Variants in SPTLC2 observed in about 807,000 individuals in gnomAD.
SPTLC2 encodes the protein serine palmitoyltransferase long chain base subunit 2, also known as serine palmitoyltransferase 2.
In SPTLC2, 21 loss-of-function variants were observed where a neutral mutation model predicts 62.0. That is an observed-to-expected ratio of 0.34 (90% CI 0.24 to 0.49). The LOEUF is 0.49. SPTLC2 is among the 20% of genes least tolerant of loss of function. The pLI, the probability that SPTLC2 is intolerant of heterozygous loss-of-function variation, is 0.99. For synonymous variants in SPTLC2, 261 were observed against 261.8 expected (o/e 1.00, Z 0.03); for missense variants, 511 against 713.0 (o/e 0.72, Z 3.23).
In SPTLC2 at chr14:77,511,748, A is replaced by C. The variant is rs45612439; in HGVS notation, c.*536T>G. 29 of 172,002 alleles carry C rather than the reference A, an allele frequency of 1.7e-4. No individual in the cohort carries two copies. Among genetic ancestry groups the C allele is most frequent in the Non-Finnish European group, 3.3e-4 (26 of 78,674 alleles). 10.7% of individuals were successfully genotyped at this position (172,002 alleles called of 1,614,324 possible). On this transcript the variant is annotated 3_prime_UTR_variant, in exon 12 of 12. Coordinates refer to ENST00000216484, the MANE Select transcript of SPTLC2 (RefSeq NM_004863.4). ...CTGTTTTTCTTAAAAGGCTAAACTTAAGATTAAAGGGTGAAAACTTCCGTT... is the reference window on the plus strand; with the variant it reads ...CTGTTTTTCTTAAAAGGCTAAACTTCAGATTAAAGGGTGAAAACTTCCGTT...
intron 2 of SPTLC2, among the ~76,000 whole-genome samples, chr14:77,580,834 T>C (rs896084457): frequency 1.3e-5 from 2 of 152,200 alleles, no homozygotes; most frequent in African/African-American, 4.8e-5. Flanking sequence ...CTGGGCAACA[T>C]AGTGGGACTC....
intron 8 of SPTLC2, among the ~76,000 whole-genome samples, chr14:77,552,558 C>A (rs965513822): frequency 6.6e-6 from 1 of 152,032 alleles, no homozygotes; most frequent in Non-Finnish European, 1.5e-5. Context: ...GTAATCCCAG[C>A]AGTTTGGGAG....
At chr14:77,594,829 G>A (rs10140195) in intron 2 of SPTLC2, among the ~76,000 whole-genome samples, 34,605 of 149,556 alleles carry the variant, frequency 0.23, 4,237 homozygotes, top group East Asian at 0.33. Flanking sequence ...TCTACACTAG[G>A]AGAGGTCCCT....
At chr14:77,548,517 G>C (rs1263897105) in intron 9 of SPTLC2, among the ~76,000 whole-genome samples, 1 of 152,212 alleles carries the variant, frequency 6.6e-6, no homozygotes, top group Non-Finnish European at 1.5e-5. Flanking sequence ...TTAGTGATGT[G>C]TAAAGTAAAA....
intron 1 of SPTLC2, among the ~76,000 whole-genome samples, chr14:77,603,796 A>G (rs140843629): frequency 1.1e-3 from 168 of 152,336 alleles, no homozygotes; most frequent in African/African-American, 3.9e-3. Context: ...CACACTGGGC[A>G]CTGATGTCTG....
chr14:77,616,618 C>A lies in SPTLC2; in HGVS notation c.-39G>T. ...CCAGGCGCAAGGCAGGCTCTGTAGG[C>A]GGTGGCAGCGGCGGCGGCTGCTCCA... On this transcript the variant is annotated 5_prime_UTR_variant, in exon 1 of 12. Coordinates refer to ENST00000216484, the MANE Select transcript of SPTLC2 (RefSeq NM_004863.4). 6.6e-7 allele frequency: 1 copy of A among 1,526,470 alleles called. No homozygotes were observed. Among genetic ancestry groups the A allele is most frequent in the Non-Finnish European group, 8.8e-7 (1 of 1,139,650 alleles). 94.6% of individuals were successfully genotyped at this position (1,526,470 alleles called of 1,614,324 possible). A position where few individuals can be genotyped will look rare whatever the true frequency, so the allele number is the denominator to read the frequency against.
chr14:77,602,136 A>G lies in SPTLC2; in HGVS notation c.133-4756T>C, dbSNP rs550435851. ...TTGCCTATCTATAGCCTCTCTAGTG[A>G]ATTCTCATCTACTTAGGAGTTCTCA... is the stretch of plus-strand genomic sequence containing the variant. On this transcript the variant is annotated intron_variant, in intron 1 of 11. Coordinates refer to ENST00000216484, the MANE Select transcript of SPTLC2 (RefSeq NM_004863.4). Among the ~76,000 whole-genome samples, 3 of 152,164 alleles carry G rather than the reference A, an allele frequency of 2.0e-5. No homozygotes were observed. The East Asian group carries it at 5.8e-4, about 29-fold the overall frequency.
At chr14:77,604,009 C>A (rs1259521810) in intron 1 of SPTLC2, among the ~76,000 whole-genome samples, 1 of 152,240 alleles carries the variant, frequency 6.6e-6, no homozygotes, top group African/African-American at 2.4e-5. Flanking sequence ...ACTCTGCCCC[C>A]ACCACGTGCT....
At chr14:77,552,441 A>T (rs567581602) in intron 8 of SPTLC2, among the ~76,000 whole-genome samples, 2 of 152,316 alleles carry the variant, frequency 1.3e-5, no homozygotes, top group East Asian at 3.9e-4. Flanking sequence ...TTGTTTTTTA[A>T]ACATGGAACA....
chr14:77,512,981 T>C (rs7155181), intron 11 of SPTLC2, among the ~76,000 whole-genome samples: 127,735 of 148,886 alleles, frequency 0.86, 55,793 homozygotes, highest in East Asian at 1. Flanking sequence ...TCCCAAAGTG[T>C]TGGGATTATA....
At chr14:77,562,902 T>C (rs1295468276) in intron 5 of SPTLC2, among the ~76,000 whole-genome samples, 2 of 152,178 alleles carry the variant, frequency 1.3e-5, no homozygotes, top group Non-Finnish European at 2.9e-5. Context: ...GTGGAAATGG[T>C]GCATTCTCTC....
chr14:77,513,955 C>T (rs2079346599), intron 11 of SPTLC2, among the ~76,000 whole-genome samples: 1 of 150,204 alleles, frequency 6.7e-6, no homozygotes, highest in Non-Finnish European at 1.5e-5. Flanking sequence ...AATCACAGCA[C>T]TTTGGGAGGC....
intron 9 of SPTLC2, among the ~76,000 whole-genome samples, chr14:77,541,666 G>A (rs150043354): frequency 6.6e-6 from 1 of 152,276 alleles, no homozygotes; most frequent in African/African-American, 2.4e-5. Context: ...GGGGGGAGAA[G>A]GCAGCAGATA....
chr14:77,579,155 A>C (rs747999254), intron 2 of SPTLC2, 46 bp from the exon 3 acceptor site: 1 of 1,601,302 alleles, frequency 6.2e-7, no homozygotes. Context: ...GAGTTACTTT[A>C]TTAAAAAATT....
intron 9 of SPTLC2, among the ~76,000 whole-genome samples, chr14:77,529,616 C>CTT (rs2079426848): frequency 2.4e-5 from 2 of 83,462 alleles, no homozygotes; most frequent in Non-Finnish European, 5.1e-5. Flanking sequence ...CAATTTCTTT[C>CTT]TTTCTTTTTT....
chr14:77,616,049 G>T (rs2079964855), intron 1 of SPTLC2, among the ~76,000 whole-genome samples: 1 of 152,194 alleles, frequency 6.6e-6, no homozygotes, highest in Non-Finnish European at 1.5e-5. Context: ...ACGACTGCAG[G>T]ACTTTAAAAG....
intron 9 of SPTLC2, among the ~76,000 whole-genome samples, chr14:77,530,590 G>T (rs2079433360): frequency 6.6e-6 from 1 of 152,100 alleles, no homozygotes; most frequent in African/African-American, 2.4e-5. Flanking sequence ...TAAACCACAA[G>T]ATCTTTCAAT....
chr14:77,551,899 T>C (rs2079557506), intron 9 of SPTLC2, among the ~76,000 whole-genome samples, 197 bp downstream of exon 9: 1 of 152,018 alleles, frequency 6.6e-6, no homozygotes, highest in Non-Finnish European at 1.5e-5. Context: ...ACAAGAAAAT[T>C]CCATAGAAAG....
chr14:77,566,199 C>T (rs752254046), intron 5 of SPTLC2, among the ~76,000 whole-genome samples: 47 of 152,026 alleles, frequency 3.1e-4, no homozygotes, highest in Non-Finnish European at 5.6e-4. Flanking sequence ...TTTAGACAGC[C>T]TTATTCAGCA....
Sources: allele counts gnomAD v4.1 joint callset (sites outside exome capture counted in the v4.1 genomes callset), GRCh38; gene constraint gnomAD v4.1.1; transcripts MANE v1.5; gene names NCBI Gene and HGNC (gene_info 2026-07-23, HGNC 2026-07-21).